Variants in UBR4 observed in about 807,000 individuals in gnomAD.
The protein encoded by UBR4 is E3 ubiquitin-protein ligase UBR4.
UBR4 carries 124 observed loss-of-function variants against 575.6 expected under a neutral mutation model. The ratio of observed to expected loss-of-function variants is 0.22; its 90% CI spans 0.19 to 0.25. The LOEUF is 0.25. UBR4 is among the 10% of genes least tolerant of loss of function. The pLI, the probability that UBR4 is intolerant of heterozygous loss-of-function variation, is 1.00. For missense variants in UBR4, 4,818 were observed against 6,478.8 expected (o/e 0.74, Z 8.80); for synonymous variants, 2,455 against 2,473.7 (o/e 0.99, Z 0.22).
At chr1:19,098,277 C>T (rs567813990) in intron 90 of UBR4, among the ~76,000 whole-genome samples, 1 of 152,312 alleles carries the variant, frequency 6.6e-6, no homozygotes, top group African/African-American at 2.4e-5. Context: ...TAGTCAGTAG[C>T]TACAGAGGTA....
Position 19,198,589 on chromosome 1 carries a change from A to G in UBR4, c.600T>C (p.Val200=). The G allele has an allele frequency of 6.2e-7, 1 of 1,614,210 alleles. No homozygotes were observed. The highest frequency in any genetic ancestry group is 8.5e-7 in the Non-Finnish European group (1 of 1,180,026). ...GTGATGCTACAGTTCTAGGGTTAAAAACTGAGGTCAGCTGGTTCAAAAAAT... is the reference window on the plus strand; with the variant it reads ...GTGATGCTACAGTTCTAGGGTTAAAGACTGAGGTCAGCTGGTTCAAAAAAT... ...QMNFLNQLTS[V]FNPRTVASQP... Residue 200 remains valine, a synonymous_variant, in exon 5 of 106, where the codon GTT becomes GTC. Coordinates refer to ENST00000375254, the MANE Select transcript of UBR4 (RefSeq NM_020765.3).
intron 63 of UBR4, 66 bp downstream of exon 63, chr1:19,127,546 ACCTCTGTGCTG>A (rs889821900): frequency 9.3e-7 from 1 of 1,078,720 alleles, no homozygotes; most frequent in Non-Finnish European, 1.4e-6. Flanking sequence ...GAGGACTACC[ACCTCTGTGCTG>A]GCCCTAGCAC....
intron 17 of UBR4, among the ~76,000 whole-genome samples, 157 bp downstream of exon 17, chr1:19,183,654 G>A (rs1212557164): frequency 6.6e-6 from 1 of 152,118 alleles, no homozygotes; most frequent in Non-Finnish European, 1.5e-5. Context: ...CCTGGGAGGT[G>A]GAGGTTGCAG....
chr1:19,149,916 A>G (rs1356972394), intron 49 of UBR4: 4 of 708,564 alleles, frequency 5.6e-6, no homozygotes, highest in Admixed American at 7.7e-5. Context: ...AAGAGAAAGG[A>G]AGGGAGGGAG....
At position 19,140,828 on chromosome 1, in the gene UBR4, G is replaced by A. The variant is rs139618268; in HGVS notation, c.8553C>T (p.Ser2851=). 356 of 1,613,310 alleles carry A rather than the reference G, an allele frequency of 2.2e-4. 2 individuals carry two copies. In the African/African-American group the frequency reaches 4.4e-3, roughly 20 times the overall value. The change falls in exon 58 of 106, where the codon TCC becomes TCT. Residue 2851 remains serine (S), a synonymous_variant. Transcript: ENST00000375254. ...LGLSGQAPSS[S]SLDAGTLSDT... Reference sequence around the variant, plus strand: ...CAGAGAGGGTTCCTGCGTCCAGAGAGGAAGAGCTGGGTGCCTGGCCGGACA... The same window carrying A: ...CAGAGAGGGTTCCTGCGTCCAGAGAAGAAGAGCTGGGTGCCTGGCCGGACA...
chr1:19,137,061 G>T (rs1434916992), intron 60 of UBR4, among the ~76,000 whole-genome samples: 1 of 152,036 alleles, frequency 6.6e-6, no homozygotes, highest in Non-Finnish European at 1.5e-5. Context: ...CACTTGGGGA[G>T]GTGGAGGTGA....
At chr1:19,155,165 T>C in intron 43 of UBR4, 90 bp from the exon 44 acceptor site, 1 of 1,532,716 alleles carries the variant, frequency 6.5e-7, no homozygotes, top group Non-Finnish European at 8.9e-7. Flanking sequence ...TCAATCATGA[T>C]CAGGTGCTCT....
At chr1:19,141,926 G>A in intron 55 of UBR4, 149 bp from the exon 56 acceptor site, 1 of 1,114,998 alleles carries the variant, frequency 9.0e-7, no homozygotes, top group African/African-American at 1.6e-5. Context: ...GCTATGCCTG[G>A]CCTTGTTCTC....
intron 1 of UBR4, among the ~76,000 whole-genome samples, chr1:19,207,446 T>C (rs902818240): frequency 6.6e-6 from 1 of 152,188 alleles, no homozygotes; most frequent in African/African-American, 2.4e-5. Context: ...CTGACCAGCA[T>C]GGTGAAACCT....
intron 11 of UBR4, among the ~76,000 whole-genome samples, chr1:19,188,801 C>G (rs1377014079): frequency 6.6e-6 from 1 of 152,016 alleles, no homozygotes; most frequent in Non-Finnish European, 1.5e-5. Context: ...GATCCCATCT[C>G]TGCAAAAAAT....
chr1:19,090,006 T>C (rs1322297556), intron 97 of UBR4, among the ~76,000 whole-genome samples: 1 of 152,254 alleles, frequency 6.6e-6, no homozygotes, highest in Non-Finnish European at 1.5e-5. Context: ...CTCATTTAAC[T>C]TACATTCTAG....
intron 2 of UBR4, among the ~76,000 whole-genome samples, chr1:19,200,375 G>C (rs1036364215): frequency 1.3e-5 from 2 of 152,082 alleles, no homozygotes; most frequent in Non-Finnish European, 2.9e-5. Context: ...CTGTGGGTTG[G>C]ACAAGCTTGC....
chr1:19,077,016 C>T, intron 104 of UBR4, 114 bp from the exon 105 acceptor site: 2 of 1,136,632 alleles, frequency 1.8e-6, no homozygotes, highest in Non-Finnish European at 2.5e-6. Flanking sequence ...CCAACCTACA[C>T]CAAAGCATAC....
At chr1:19,138,694 T>A (rs189786049) in intron 59 of UBR4, among the ~76,000 whole-genome samples, 81 of 151,938 alleles carry the variant, frequency 5.3e-4, no homozygotes, top group Non-Finnish European at 9.3e-4. Context: ...CTTCCCCAAA[T>A]AAATGAGGAG....
rs552419208 is a variant in UBR4 at position 19,094,439 on chromosome 1, A to G, written c.13747-300T>C. On this transcript the variant is annotated intron_variant, in intron 94 of 105. Transcript: ENST00000375254. ...CATTCACTTGGTCATAGCTCTAGCC[A>G]AATCATTAGCACCAATAAGAATGGA... 2.0e-5 allele frequency among the ~76,000 whole-genome samples: 3 copies of G among 152,326 alleles called. No individual in the cohort carries two copies. The East Asian group carries it at 5.8e-4, about 29-fold the overall frequency.
At position 19,174,371 on chromosome 1, in the gene UBR4, C is replaced by A. The variant is rs374444745; in HGVS notation, c.2930G>T (p.Gly977Val). The change falls in exon 22 of 106, where the codon GGG (glycine) becomes GTG (valine). Residue 977 changes from glycine to valine, a missense_variant. This residue lies in a region of UBR4 where 1,172 missense variants were observed against 1,259.7 expected (regional missense o/e 0.93). Transcript: ENST00000375254. ...TCTCCTAACTGTATCAAGCTGGGAC[C>A]CAGCTGCAAGCAGGGCTGTCAGTGC... ...YAALTALLAA[G>V]SQLDTVRRKE... is the part of the protein sequence containing the mutation. 17 of 1,613,352 alleles carry A rather than the reference C, an allele frequency of 1.1e-5. No homozygotes were observed. The highest frequency in any genetic ancestry group is 1.4e-5 in the Non-Finnish European group (17 of 1,179,966).
chr1:19,146,456 T>C (rs971017103), intron 52 of UBR4, among the ~76,000 whole-genome samples: 1 of 152,170 alleles, frequency 6.6e-6, no homozygotes, highest in East Asian at 1.9e-4. Context: ...TTATTAATAA[T>C]AGCACTGGCA....
chr1:19,165,875 T>A, intron 29 of UBR4, 118 bp from the exon 30 acceptor site: 1 of 849,502 alleles, frequency 1.2e-6, no homozygotes, highest in South Asian at 1.8e-5. Flanking sequence ...ATGTCTAATT[T>A]TGTTTTGGCA....
chr1:19,086,789 C>T lies in UBR4; in HGVS notation c.14577G>A (p.Thr4859=), dbSNP rs780320388. 52 of 1,614,072 alleles carry T rather than the reference C, an allele frequency of 3.2e-5. No homozygotes were observed. Among genetic ancestry groups the T allele is most frequent in the East Asian group, 1.1e-4 (5 of 44,896 alleles). ...PTKVLGIYTF[T]KRVALEEMEN... ...CCATCTCCTCCAAGGCTACCCGCTT[C>T]GTGAAGGTATAAATGCCCAGGACCT... The change falls in exon 100 of 106, where the codon ACG becomes ACA. Residue 4859 remains threonine (T), a synonymous_variant. Transcript: ENST00000375254.
Sources: allele counts gnomAD v4.1 joint callset (sites outside exome capture counted in the v4.1 genomes callset), GRCh38; gene constraint gnomAD v4.1.1; regional missense constraint gnomAD v4.1.1; transcripts MANE v1.5; gene names NCBI Gene and HGNC (gene_info 2026-07-23, HGNC 2026-07-21).